TTC8: variants seen among roughly 807,000 people sequenced by gnomAD.
TTC8 encodes the protein tetratricopeptide repeat protein 8.
Under a neutral mutation model 72.5 loss-of-function variants are expected in TTC8, and 47 were observed. The ratio of observed to expected loss-of-function variants is 0.65; its 90% CI spans 0.51 to 0.83. The LOEUF (loss-of-function observed/expected upper bound fraction) is 0.83, where lower values mean the gene tolerates loss of function less well. Among genes scored for constraint, TTC8 ranks in the 40% least tolerant of loss-of-function variants. The pLI, the probability that TTC8 is intolerant of heterozygous loss-of-function variation, is 0.00. For missense variants in TTC8, 611 were observed against 623.2 expected (o/e 0.98, Z 0.21); for synonymous variants, 199 against 221.4 (o/e 0.90, Z 0.90).
chr14:88,826,427 G>A (rs1481228005), intron 1 of TTC8, among the ~76,000 whole-genome samples: 2 of 151,890 alleles, frequency 1.3e-5, no homozygotes, highest in African/African-American at 4.8e-5. Flanking sequence ...TGATGTGGCC[G>A]GGCACGGTGG....
chr14:88,848,435 A>G (rs913780639), intron 7 of TTC8, among the ~76,000 whole-genome samples: 26 of 152,210 alleles, frequency 1.7e-4, no homozygotes, highest in Non-Finnish European at 2.8e-4. Flanking sequence ...AGCCTTAAAG[A>G]TAGTTCCTCA....
intron 9 of TTC8, among the ~76,000 whole-genome samples, chr14:88,860,469 G>A (rs1480326688): frequency 2.6e-5 from 4 of 152,142 alleles, no homozygotes; most frequent in Non-Finnish European, 5.9e-5. Flanking sequence ...ACAAACCTGT[G>A]TCCTCTCTTG....
intron 7 of TTC8, among the ~76,000 whole-genome samples, chr14:88,849,075 T>G (rs2094821598): frequency 6.6e-6 from 1 of 152,214 alleles, no homozygotes; most frequent in South Asian, 2.1e-4. Flanking sequence ...AAACACAAAT[T>G]GTTCCTTTGT....
At chr14:88,853,156 T>A (rs2094841175) in intron 8 of TTC8, 100 bp downstream of exon 8, 3 of 815,492 alleles carry the variant, frequency 3.7e-6, no homozygotes, top group Non-Finnish European at 6.3e-6. Flanking sequence ...CATGAAGAAA[T>A]GAGAACTGTG....
At chr14:88,872,990 C>T (rs1345298952) in intron 13 of TTC8, among the ~76,000 whole-genome samples, 1 of 152,210 alleles carries the variant, frequency 6.6e-6, no homozygotes, top group Non-Finnish European at 1.5e-5. Flanking sequence ...ATCAGCAAGT[C>T]AGTGCACTCT....
rs1371718760 is a variant in TTC8, at chr14:88,871,407, C to CTA, written c.1050-139_1050-138dup. On this transcript the variant is annotated intron_variant, in intron 11 of 14. Transcript: ENST00000380656. This position sits in a 1 kb window ranked among gnomAD's most constrained non-coding sequence, Gnocchi z 4.1. ...TTTGCTTTAAACATTTTTTCATTTA[C>CTA]TATAACACGTATTTATATTCTTAAG... is the stretch of plus-strand genomic sequence containing the variant. 19 of 757,576 alleles carry CTA rather than the reference C, an allele frequency of 2.5e-5. No individual in the cohort carries two copies. Among genetic ancestry groups the CTA allele is most frequent in the Non-Finnish European group, 3.7e-5 (17 of 459,334 alleles). 46.9% of individuals were successfully genotyped at this position (757,576 alleles called of 1,614,324 possible).
intron 9 of TTC8, among the ~76,000 whole-genome samples, chr14:88,859,259 A>G (rs1455639035): frequency 6.6e-6 from 1 of 152,200 alleles, no homozygotes. Flanking sequence ...AAGACATGGA[A>G]TTAACCTAAA....
intron 13 of TTC8, among the ~76,000 whole-genome samples, chr14:88,874,058 G>A (rs1242073407): frequency 1.3e-5 from 2 of 152,144 alleles, no homozygotes; most frequent in Non-Finnish European, 2.9e-5. Context: ...CAGGAACTTT[G>A]CCTGTATTCA....
rs960171087 is a variant in TTC8 at position 88,824,747 on chromosome 14, T to C, written c.40T>C (p.Tyr14His). 6.2e-7 allele frequency: 1 copy of C among 1,612,718 alleles called. No homozygotes were observed. The highest frequency in any genetic ancestry group is 8.5e-7 in the Non-Finnish European group (1 of 1,179,524). ...GGAGCCGCTGCTCCTGGCCTGGAGC[T>C]ATTTTAGGCGCAGGAAGTTCCAGCT... ...EMEPLLLAWS[Y>H]FRRRKFQLCA... The change falls in exon 1 of 15, where the codon TAT (tyrosine) becomes CAT (histidine). Residue 14 changes from tyrosine to histidine, a missense_variant. Coordinates refer to ENST00000380656, the MANE Select transcript of TTC8 (RefSeq NM_144596.4).
intron 7 of TTC8, chr14:88,846,521 T>C: frequency 1.4e-6 from 1 of 698,208 alleles, no homozygotes. Flanking sequence ...GGGGGAAGAG[T>C]TGTTGGTGAT....
At position 88,870,169 on chromosome 14, in the gene TTC8, T is replaced by C; in HGVS notation, c.1020T>C (p.Asp340=). The C allele has an allele frequency of 1.2e-6, 2 of 1,614,152 alleles. No homozygotes were observed. Among genetic ancestry groups the C allele is most frequent in the South Asian group, 1.1e-5 (1 of 91,082 alleles). The change falls in exon 11 of 15, where the codon GAT becomes GAC. Residue 340 remains aspartate, a synonymous_variant. Transcript: ENST00000380656. ...TTGGAAGCAACCACTTCTATTCTGA[T>C]CAGCCAGAAATAGCTCTCCGGTTTT... ...ACIGSNHFYS[D]QPEIALRFYR...
intron 6 of TTC8, among the ~76,000 whole-genome samples, chr14:88,842,963 A>G (rs1239415436): frequency 1.3e-5 from 2 of 150,770 alleles, no homozygotes; most frequent in African/African-American, 4.9e-5. Context: ...TTTTTTTTTT[A>G]AAGAAAGGCC....
At chr14:88,844,336 C>T (rs1451123213) in intron 7 of TTC8, among the ~76,000 whole-genome samples, 2 of 152,058 alleles carry the variant, frequency 1.3e-5, no homozygotes, top group African/African-American at 4.8e-5. Context: ...AAGTTATATG[C>T]GTATGACTTC....
intron 2 of TTC8, among the ~76,000 whole-genome samples, chr14:88,838,741 GC>G (rs1292012537): frequency 6.6e-6 from 1 of 152,084 alleles, no homozygotes; most frequent in African/African-American, 2.4e-5. Flanking sequence ...TAAAATATTT[GC>G]CAGTTTAGAT....
chr14:88,842,987 T>C (rs17124904), intron 6 of TTC8, among the ~76,000 whole-genome samples: 4,126 of 152,228 alleles, frequency 0.027, 137 homozygotes, highest in East Asian at 0.16. Context: ...TCTTGATTTT[T>C]TTAAAAAATT....
At position 88,871,135 on chromosome 14, in the gene TTC8, T is replaced by C. The variant is rs887585064; in HGVS notation, c.1050-414T>C. Among the ~76,000 whole-genome samples, 3 of 152,202 alleles carry C rather than the reference T, an allele frequency of 2.0e-5. No individual in the cohort carries two copies. Among genetic ancestry groups the C allele is most frequent in the Admixed American group, 2.0e-4 (3 of 15,278 alleles). ...AAAGTACAGCGAGCCAAAAACGGGA[T>C]CCAGTCAGCTGAAAACGTAGAGGTT... On this transcript the variant is annotated intron_variant, in intron 11 of 14. Coordinates refer to ENST00000380656, the MANE Select transcript of TTC8 (RefSeq NM_144596.4). The surrounding 1 kb of genome is among the most constrained non-coding windows in gnomAD (Gnocchi z 4.1).
At chr14:88,857,131 G>A (rs923114015) in intron 8 of TTC8, 59 bp from the exon 9 acceptor site, 1 of 1,429,240 alleles carries the variant, frequency 7.0e-7, no homozygotes, top group Non-Finnish European at 9.9e-7. Flanking sequence ...CATCCTCAGG[G>A]TATGATGTAG....
intron 13 of TTC8, among the ~76,000 whole-genome samples, chr14:88,872,860 C>G (rs1238614706): frequency 6.6e-6 from 1 of 152,148 alleles, no homozygotes; most frequent in Admixed American, 6.5e-5. Context: ...ACCTCAGAGT[C>G]CCATCACATT....
rs747396066 is a variant in TTC8, at chr14:88,857,174, A to C, written c.711-16A>C. Reference sequence around the variant, plus strand: ...TTTTAAGTTGAATGTCTAATTCTTAAAATTGCTATTTGTAGGTTGGGAATG... The same window carrying C: ...TTTTAAGTTGAATGTCTAATTCTTACAATTGCTATTTGTAGGTTGGGAATG... On this transcript the variant is annotated splice_polypyrimidine_tract_variant and intron_variant, in intron 8 of 14. Coordinates refer to ENST00000380656, the MANE Select transcript of TTC8 (RefSeq NM_144596.4). 5.3e-5 allele frequency: 86 copies of C among 1,612,200 alleles called. 1 individual carries two copies. The South Asian group carries it at 8.1e-4, about 15-fold the overall frequency.
Sources: allele counts gnomAD v4.1 joint callset (sites outside exome capture counted in the v4.1 genomes callset), GRCh38; gene constraint gnomAD v4.1.1; non-coding constraint Gnocchi (gnomAD v3.1); transcripts MANE v1.5; gene names NCBI Gene and HGNC (gene_info 2026-07-23, HGNC 2026-07-21).